The following PRKN variants were observed in gnomAD, a reference collection of about 807,000 sequenced individuals.
The protein encoded by PRKN is parkin RBR E3 ubiquitin protein ligase.
A neutral mutation model predicts 59.5 loss-of-function variants in PRKN; 56 were observed. The observed-to-expected ratio is 0.94, with a 90% CI of 0.76 to 1.18. The LOEUF is 1.18. Among genes scored for constraint, PRKN ranks in the 50% most tolerant of loss-of-function variants. PRKN has a pLI of 0.00. For missense variants in PRKN, 657 were observed against 596.4 expected (o/e 1.10, Z -1.06); for synonymous variants, 250 against 222.1 (o/e 1.13, Z -1.12).
At position 162,673,439 on chromosome 6, in the gene PRKN, G is replaced by C. The variant is rs576463024; in HGVS notation, c.7+54223C>G. The stretch of plus-strand genomic sequence containing the variant: ...TCTTTTTTAAAACAGGGTCTGGCTT[G>C]CAATGGCAGGATCTTGGCTCACTGC... On this transcript the variant is annotated intron_variant, in intron 1 of 11. Coordinates refer to ENST00000366898, the MANE Select transcript of PRKN (RefSeq NM_004562.3). 2.0e-5 allele frequency among the ~76,000 whole-genome samples: 3 copies of C among 152,258 alleles called. No homozygotes were observed. The South Asian group carries it at 6.2e-4, about 32-fold the overall frequency.
chr6:161,636,244 T>C (rs1040591841), intron 7 of PRKN, among the ~76,000 whole-genome samples: 1 of 152,242 alleles, frequency 6.6e-6, no homozygotes, highest in African/African-American at 2.4e-5. Flanking sequence ...GCCCCTGCTC[T>C]ATCCACAGCT....
chr6:162,316,809 T>C (rs1290161742), intron 2 of PRKN, among the ~76,000 whole-genome samples: 1 of 152,138 alleles, frequency 6.6e-6, no homozygotes, highest in Non-Finnish European at 1.5e-5. Context: ...GATCTCAGTA[T>C]AGTTAATGAA....
intron 2 of PRKN, among the ~76,000 whole-genome samples, chr6:162,277,099 A>AG (rs1780668731): frequency 6.6e-6 from 1 of 152,204 alleles, no homozygotes; most frequent in Non-Finnish European, 1.5e-5. Context: ...CGGCACAGAC[A>AG]ATCATATTTT....
rs1042185230 is a variant in PRKN, at chr6:161,444,065, T to C, written c.1084-57188A>G. 6.6e-6 allele frequency among the ~76,000 whole-genome samples: 1 copy of C among 152,262 alleles called. No homozygotes were observed. The highest frequency in any genetic ancestry group is 2.4e-5 in the African/African-American group (1 of 41,558). ...GCCTTAGGCAGACAAAGAGCAAAAG[T>C]GTGGGAGGCTGGGTGGGGCCGGTGA... On this transcript the variant is annotated intron_variant, in intron 9 of 11. Transcript: ENST00000366898. This position sits in a 1 kb window ranked among gnomAD's most constrained non-coding sequence, Gnocchi z 5.6.
At chr6:162,597,422 C>A (rs570660516) in intron 1 of PRKN, among the ~76,000 whole-genome samples, 1 of 152,212 alleles carries the variant, frequency 6.6e-6, no homozygotes, top group South Asian at 2.1e-4. Flanking sequence ...GTTTCATATC[C>A]TTAAATATTT....
At chr6:162,387,161 T>C (rs1160641802) in intron 2 of PRKN, among the ~76,000 whole-genome samples, 1 of 143,650 alleles carries the variant, frequency 7.0e-6, no homozygotes, top group African/African-American at 2.6e-5. Context: ...ATAAAATGAA[T>C]GAAACATTTT....
chr6:161,548,959 C>G lies in PRKN; in HGVS notation c.978G>C (p.Gln326His), dbSNP rs2115426760. The change falls in exon 9 of 12, where the codon CAG becomes CAC. Residue 326 changes from glutamine (Q) to histidine (H), a missense_variant. By Grantham distance (24) the Gln-to-His change is conservative. Transcript: ENST00000366898. This position sits in a 1 kb window ranked among gnomAD's most constrained non-coding sequence, Gnocchi z 4.2. ...QQYGAEECVLQMGGVLCPRPG... is the reference protein window; with the variant it reads ...QQYGAEECVLHMGGVLCPRPG... ...GGCGGGGGCATAACACGCCCCCCAT[C>G]TGCAGGACACACTCCTCTGCACCAT... 4 of 1,614,180 alleles carry G rather than the reference C, an allele frequency of 2.5e-6. No individual in the cohort carries two copies. Among genetic ancestry groups the G allele is most frequent in the Non-Finnish European group, 3.4e-6 (4 of 1,180,014 alleles).
chr6:162,044,134 T>C (rs553581799), intron 5 of PRKN, among the ~76,000 whole-genome samples: 8 of 152,338 alleles, frequency 5.3e-5, no homozygotes, highest in African/African-American at 1.9e-4. Context: ...TCTTTTGTTT[T>C]TGTTCCCTTC....
chr6:162,609,092 G>C (rs1299415564), intron 1 of PRKN, among the ~76,000 whole-genome samples: 1 of 152,150 alleles, frequency 6.6e-6, no homozygotes, highest in Non-Finnish European at 1.5e-5. Flanking sequence ...CCAGATAGAA[G>C]AGAAAAAGAA....
rs775267898 is a variant in PRKN, at chr6:161,445,873, G to C, written c.1084-58996C>G. Among the ~76,000 whole-genome samples, 1 of 151,560 alleles carries C rather than the reference G, an allele frequency of 6.6e-6. No individual in the cohort carries two copies. The highest frequency in any genetic ancestry group is 2.4e-5 in the African/African-American group (1 of 41,246). ...TGCAGGGTGGTGGTTTCCTTTGCCC[G>C]GAGAGTTCAGAGGCCTTAGTTCTGG... On this transcript the variant is annotated intron_variant, in intron 9 of 11. Coordinates refer to ENST00000366898, the MANE Select transcript of PRKN (RefSeq NM_004562.3). The surrounding 1 kb of genome is among the most constrained non-coding windows in gnomAD (Gnocchi z 7.7).
intron 3 of PRKN, among the ~76,000 whole-genome samples, chr6:162,256,591 C>T (rs867106675): frequency 6.6e-6 from 1 of 152,292 alleles, no homozygotes; most frequent in Non-Finnish European, 1.5e-5. Flanking sequence ...TGCCTCCACG[C>T]TCATTCCTGT....
chr6:161,642,454 T>C (rs1481234308), intron 7 of PRKN, among the ~76,000 whole-genome samples: 1 of 152,198 alleles, frequency 6.6e-6, no homozygotes, highest in Non-Finnish European at 1.5e-5. Context: ...TATTGTGATA[T>C]TTATGGACTG....
chr6:162,666,632 T>G (rs1183876159), intron 1 of PRKN, among the ~76,000 whole-genome samples: 1 of 152,146 alleles, frequency 6.6e-6, no homozygotes, highest in Non-Finnish European at 1.5e-5. Flanking sequence ...AATTTGAGAT[T>G]AATCATTTTC....
intron 4 of PRKN, among the ~76,000 whole-genome samples, chr6:162,180,683 G>A (rs1022360685): frequency 1.3e-5 from 2 of 152,072 alleles, no homozygotes; most frequent in Non-Finnish European, 2.9e-5. Flanking sequence ...GGTTCCTTTT[G>A]TTCCAATCAG....
chr6:162,418,483 C>A lies in PRKN; in HGVS notation c.171+24827G>T, dbSNP rs186037719. On this transcript the variant is annotated intron_variant, in intron 2 of 11. Coordinates refer to ENST00000366898, the MANE Select transcript of PRKN (RefSeq NM_004562.3). ...ATGGTATGCTTAAATGGGTGAAGTG[C>A]ATAGCATGTGGACTGCATATCAACA... Among the ~76,000 whole-genome samples the A allele has an allele frequency of 5.5e-4, 83 of 152,122 alleles. No homozygotes were observed. In the East Asian group the frequency reaches 0.012, roughly 21 times the overall value.
intron 1 of PRKN, among the ~76,000 whole-genome samples, chr6:162,724,348 T>G (rs1779045417): frequency 6.6e-6 from 1 of 152,184 alleles, no homozygotes; most frequent in Admixed American, 6.5e-5. Context: ...AACACATCAA[T>G]CACAATGCAG....
At chr6:161,777,723 A>C (rs1335813911) in intron 7 of PRKN, among the ~76,000 whole-genome samples, 1 of 142,482 alleles carries the variant, frequency 7.0e-6, no homozygotes, top group South Asian at 2.2e-4. Context: ...TTTTATATAC[A>C]TATATATCTA....
chr6:162,262,398 G>C lies in PRKN; in HGVS notation c.412+127C>G, dbSNP rs565157860. 1.5e-4 allele frequency: 163 copies of C among 1,079,094 alleles called. 1 individual carries two copies. In the African/African-American group the frequency reaches 1.9e-3, roughly 13 times the overall value. 66.8% of individuals were successfully genotyped at this position (1,079,094 alleles called of 1,614,324 possible). A position where few individuals can be genotyped will look rare whatever the true frequency, so the allele number is the denominator to read the frequency against. On this transcript the variant is annotated intron_variant, in intron 3 of 11. Coordinates refer to ENST00000366898, the MANE Select transcript of PRKN (RefSeq NM_004562.3). ...CCACCTACAGTGATGTCTCCTTGTA[G>C]TGAATTAGAGACTCCAATCCAAAAC...
At chr6:161,742,086 C>T (rs1157682858) in intron 7 of PRKN, among the ~76,000 whole-genome samples, 1 of 152,152 alleles carries the variant, frequency 6.6e-6, no homozygotes, top group East Asian at 1.9e-4. Flanking sequence ...TCTCCTGCCT[C>T]AGCCTCCTGA....
Sources: gnomAD v4.1 joint callset for allele counts (sites outside exome capture counted in the v4.1 genomes callset) on GRCh38, gnomAD v4.1.1 for gene constraint, Gnocchi (gnomAD v3.1) non-coding constraint, MANE v1.5 for transcripts, NCBI Gene and HGNC (gene_info 2026-07-23, HGNC 2026-07-21) for gene names.